The following RAD51B variants were observed in gnomAD, a reference collection of about 807,000 sequenced individuals.
RAD51B encodes the protein DNA repair protein RAD51 homolog 2.
In RAD51B, 38 loss-of-function variants were observed where a neutral mutation model predicts 42.2. That is an observed-to-expected ratio of 0.90 (90% CI 0.70 to 1.18). RAD51B has a LOEUF of 1.18. Ranked by LOEUF, RAD51B falls within the 50% of genes most tolerant of loss-of-function variation. RAD51B has a pLI of 0.00. For synonymous variants in RAD51B, 154 were observed against 145.2 expected (o/e 1.06, Z -0.43); for missense variants, 373 against 400.7 (o/e 0.93, Z 0.59).
At chr14:68,588,108 A>G (rs1219231508) in intron 10 of RAD51B, among the ~76,000 whole-genome samples, 1 of 152,130 alleles carries the variant, frequency 6.6e-6, no homozygotes, top group Non-Finnish European at 1.5e-5. Context: ...AGGAAAGAAC[A>G]TATGGGTGCG....
At chr14:67,995,598 C>T (rs75610220) in intron 7 of RAD51B, among the ~76,000 whole-genome samples, 76 of 151,454 alleles carry the variant, frequency 5.0e-4, no homozygotes, top group African/African-American at 1.8e-3. Flanking sequence ...CCAAGCCCTG[C>T]TGATTTTATA....
chr14:68,625,053 T>C (rs758686654), intron 10 of RAD51B, among the ~76,000 whole-genome samples: 4 of 152,116 alleles, frequency 2.6e-5, no homozygotes, highest in Non-Finnish European at 4.4e-5. Flanking sequence ...AGAGTTTAAG[T>C]AGCTTGCACG....
intron 7 of RAD51B, among the ~76,000 whole-genome samples, chr14:68,042,872 G>A (rs72725173): frequency 0.11 from 17,297 of 152,188 alleles, 1,306 homozygotes; most frequent in Middle Eastern, 0.28. Flanking sequence ...ACATGTCAGG[G>A]GATGGGATCA....
intron 7 of RAD51B, among the ~76,000 whole-genome samples, chr14:68,246,964 T>A (rs1294750760): frequency 6.6e-6 from 1 of 152,216 alleles, no homozygotes; most frequent in East Asian, 1.9e-4. Context: ...CCATCTCACT[T>A]AATGCTGTCT....
At chr14:68,316,217 G>C (rs2082058508) in intron 8 of RAD51B, among the ~76,000 whole-genome samples, 1 of 152,208 alleles carries the variant, frequency 6.6e-6, no homozygotes, top group Non-Finnish European at 1.5e-5. Context: ...TGTAAGTTCT[G>C]CATTTCACCT....
At chr14:68,072,094 TAATATATAA>T (rs1189769100) in intron 7 of RAD51B, among the ~76,000 whole-genome samples, 3 of 133,140 alleles carry the variant, frequency 2.3e-5, no homozygotes, top group Non-Finnish European at 3.1e-5. Context: ...TATAAATATA[TAATATATAA>T]AATATAAAAA....
At chr14:68,654,357 T>C (rs1386819423) in intron 11 of RAD51B, among the ~76,000 whole-genome samples, 3 of 152,246 alleles carry the variant, frequency 2.0e-5, no homozygotes, top group Non-Finnish European at 4.4e-5. Context: ...TGGGGACACC[T>C]TTACGTCAGG....
At chr14:68,294,323 AT>A (rs2081572915) in intron 8 of RAD51B, among the ~76,000 whole-genome samples, 1 of 152,170 alleles carries the variant, frequency 6.6e-6, no homozygotes, top group Non-Finnish European at 1.5e-5. Context: ...AGCTGAGCAG[AT>A]AAAGAGGCTA....
At chr14:68,507,559 C>T (rs1264325919) in intron 10 of RAD51B, among the ~76,000 whole-genome samples, 2 of 152,156 alleles carry the variant, frequency 1.3e-5, no homozygotes, top group South Asian at 2.1e-4. Context: ...ACATTCTGCA[C>T]ACCTCAATAT....
chr14:68,257,027 C>G (rs1018611499), intron 7 of RAD51B, among the ~76,000 whole-genome samples: 1 of 152,124 alleles, frequency 6.6e-6, no homozygotes, highest in Non-Finnish European at 1.5e-5. Context: ...ATGTCCCCTG[C>G]ACTAATCAAA....
chr14:68,521,656 T>A (rs998028247), intron 10 of RAD51B, among the ~76,000 whole-genome samples: 4 of 152,200 alleles, frequency 2.6e-5, no homozygotes, highest in African/African-American at 9.7e-5. Flanking sequence ...GTGGTGCCCT[T>A]GAGAGGGAAG....
chr14:68,063,915 T>C (rs1218018732), intron 7 of RAD51B, among the ~76,000 whole-genome samples: 12 of 152,216 alleles, frequency 7.9e-5, no homozygotes, highest in Non-Finnish European at 1.5e-5. Flanking sequence ...TTGTTATTTG[T>C]TTTCTGCTGT....
intron 4 of RAD51B, among the ~76,000 whole-genome samples, chr14:67,836,989 G>A (rs1164616917): frequency 7.6e-6 from 1 of 132,410 alleles, no homozygotes; most frequent in East Asian, 1.9e-4. Context: ...TTTAACTGTG[G>A]ATTTTTTTTC....
Position 68,379,945 on chromosome 14 carries a change from G to A in RAD51B, c.854-31479G>A, listed in dbSNP as rs186140305. On this transcript the variant is annotated intron_variant, in intron 8 of 10. Transcript: ENST00000471583. ...GCTGTGGTATCTATAAACATAGAGT[G>A]TGTACTCACATACTCATAAATGCTA... Among the ~76,000 whole-genome samples, 39 of 152,354 alleles carry A rather than the reference G, an allele frequency of 2.6e-4. 1 individual carries two copies. The East Asian group carries it at 7.3e-3, about 29-fold the overall frequency.
At chr14:68,340,822 G>A (rs747370745) in intron 8 of RAD51B, among the ~76,000 whole-genome samples, 4 of 152,200 alleles carry the variant, frequency 2.6e-5, no homozygotes, top group Non-Finnish European at 4.4e-5. Flanking sequence ...GGCTCTCTAG[G>A]ACATTGAAAT....
intron 9 of RAD51B, among the ~76,000 whole-genome samples, chr14:68,442,888 G>A (rs561162287): frequency 1.3e-5 from 2 of 152,272 alleles, no homozygotes; most frequent in African/African-American, 4.8e-5. Flanking sequence ...AATAAGAGGA[G>A]CTGCAGTAAA....
intron 4 of RAD51B, among the ~76,000 whole-genome samples, chr14:67,855,045 A>C: frequency 6.6e-6 from 1 of 152,284 alleles, no homozygotes; most frequent in East Asian, 1.9e-4. Context: ...TAATATCTGC[A>C]TAGTTATTAT....
intron 10 of RAD51B, among the ~76,000 whole-genome samples, chr14:68,502,591 T>A (rs532964958): frequency 6.6e-6 from 1 of 152,338 alleles, no homozygotes; most frequent in South Asian, 2.1e-4. Flanking sequence ...ACCCACCTGA[T>A]GAGTGCCTAC....
intron 9 of RAD51B, among the ~76,000 whole-genome samples, chr14:68,424,777 C>T (rs10162434): frequency 0.2 from 28,948 of 148,390 alleles, 3,168 homozygotes; most frequent in East Asian, 0.46. Context: ...CACCTGTAAT[C>T]TCTTTTTTTT....
Sources: allele counts gnomAD v4.1 joint callset (sites outside exome capture counted in the v4.1 genomes callset), GRCh38; gene constraint gnomAD v4.1.1; transcripts MANE v1.5; gene names NCBI Gene and HGNC (gene_info 2026-07-23, HGNC 2026-07-21).